Variants in SCART1 observed in about 807,000 individuals in gnomAD.
SCART1 encodes scavenger receptor cysteine-rich domain-containing protein SCART1.
A neutral mutation model predicts 36.2 loss-of-function variants in SCART1; 62 were observed. The ratio of observed to expected loss-of-function variants is 1.71; its 90% confidence interval spans 1.40 to 2.12. The LOEUF is 2.12. Among genes scored for constraint, SCART1 ranks in the 30% most tolerant of loss-of-function variants. The pLI is 0.00. For synonymous variants in SCART1, 487 were observed against 238.7 expected, an observed-to-expected ratio of 2.04 and a Z score of -9.59; for missense variants, 1,041 against 540.5, an observed-to-expected ratio of 1.93 and a Z score of -9.18.
In SCART1 at chr10:133,459,711, C is replaced by CTG. The variant is rs1564834360; in HGVS notation, c.1511_1512dup (p.Gly505TrpfsTer7). 1.4e-6 allele frequency: 1 copy of CTG among 700,258 alleles called. No homozygotes were observed. The highest frequency in any genetic ancestry group is 1.8e-5 in the African/African-American group (1 of 56,920). The allele number at this position is 700,258 out of a possible 1,614,324, so 43.4% of individuals were successfully genotyped here. A position where few individuals can be genotyped will look rare whatever the true frequency, so the allele number is the denominator to read the frequency against. ...GGTGGCGCTGAGCCGCGTGCGCTGT[C>CTG]TGGGCACCGAAACCCGCCTGACTCA... On this transcript the variant is annotated frameshift_variant, in exon 6 of 12. Transcript: ENST00000640237. LOFTEE classifies it high-confidence loss of function.
At position 133,463,600 on chromosome 10, in the gene SCART1, G is replaced by T. The variant is rs115979654; in HGVS notation, c.1970-1006G>T. Among the ~76,000 whole-genome samples the T allele has an allele frequency of 4.6e-3, 686 of 150,366 alleles. 7 individuals carry two copies. The highest frequency in any genetic ancestry group is 0.015 in the African/African-American group (630 of 40,822). On this transcript the variant is annotated intron_variant, in intron 6 of 11. Coordinates refer to ENST00000640237, the Ensembl canonical transcript of SCART1. ...TTTCATTTAACATAATGTCCTCCAG[G>T]TTCATCCATGTTGTCACGGATCACA... is the stretch of plus-strand genomic sequence containing the variant.
exon 3 of SCART1, chr10:133,457,398 G>C: frequency 1.4e-6 from 1 of 702,156 alleles, no homozygotes. Context: ...GGAGGCCATG[G>C]TGTTCTGCCG....
At chr10:133,460,064 C>A in exon 6 of SCART1, 1 of 510,470 alleles carries the variant, frequency 2.0e-6, no homozygotes, top group Non-Finnish European at 3.4e-6. Flanking sequence ...TCTGGCTGGA[C>A]GAGCTGGGCT....
intron 3 of SCART1, chr10:133,458,149 C>T: frequency 1.4e-6 from 1 of 697,376 alleles, no homozygotes; most frequent in Non-Finnish European, 2.6e-6. Flanking sequence ...GACCCTGACC[C>T]TGACCTTGGT....
At chr10:133,461,827 T>G (rs1027863660) in intron 6 of SCART1, among the ~76,000 whole-genome samples, 1 of 152,220 alleles carries the variant, frequency 6.6e-6, no homozygotes, top group Non-Finnish European at 1.5e-5. Context: ...GCGGCGGATG[T>G]TAGCCCTTCC....
At chr10:133,455,442 C>T (rs893502459) in intron 1 of SCART1, among the ~76,000 whole-genome samples, 25 of 151,874 alleles carry the variant, frequency 1.6e-4, no homozygotes, top group African/African-American at 5.6e-4. Context: ...AGGCAGGGTC[C>T]CCCCTCTGCT....
At chr10:133,458,164 C>T (rs959242872) in intron 3 of SCART1, 196 bp from the exon 4 acceptor site, 3 of 697,450 alleles carry the variant, frequency 4.3e-6, no homozygotes, top group Admixed American at 2.0e-5. Context: ...CTTGGTGATG[C>T]GGCCAAGGAC....
chr10:133,460,995 CAA>C (rs1850695374), intron 6 of SCART1, among the ~76,000 whole-genome samples: 1 of 152,138 alleles, frequency 6.6e-6, no homozygotes, highest in Non-Finnish European at 1.5e-5. Flanking sequence ...CTCAGCCTCC[CAA>C]AGTGTTGGGA....
At chr10:133,460,509 T>TA (rs1250946863) in intron 6 of SCART1, among the ~76,000 whole-genome samples, 31 of 132,070 alleles carry the variant, frequency 2.3e-4, no homozygotes, top group African/African-American at 8.0e-4. Context: ...TTAAAAAATA[T>TA]TTTATATTTA....
At chr10:133,468,798 T>C (rs567684723) in exon 12 of SCART1, 4 of 152,366 alleles carry the variant, frequency 2.6e-5, no homozygotes, top group East Asian at 3.9e-4. Context: ...TTTATCATGA[T>C]ATATTATTCT....
intron 11 of SCART1, among the ~76,000 whole-genome samples, chr10:133,467,592 G>A (rs1215972810): frequency 2.6e-5 from 4 of 152,176 alleles, no homozygotes; most frequent in Non-Finnish European, 4.4e-5. Context: ...GAAGAGGGCT[G>A]GTCGGGTGTG....
exon 10 of SCART1, chr10:133,466,272 C>G: frequency 1.4e-6 from 1 of 703,052 alleles, no homozygotes; most frequent in Non-Finnish European, 2.6e-6. Context: ...CAGCTCCCTT[C>G]CGGACATTCT....
chr10:133,467,565 C>T (rs1310196738), intron 11 of SCART1, among the ~76,000 whole-genome samples: 2 of 152,140 alleles, frequency 1.3e-5, no homozygotes, highest in African/African-American at 4.8e-5. Context: ...ATCGGAGAGG[C>T]CTGCCCTGTG....
exon 5 of SCART1, chr10:133,459,041 A>G (rs1850659574): frequency 2.9e-6 from 2 of 694,004 alleles, no homozygotes; most frequent in Non-Finnish European, 5.3e-6. Context: ...GGTCAACGGC[A>G]GCAGCAGCTG....
At chr10:133,467,102 C>G (rs1397825236) in intron 10 of SCART1, 96 bp from the exon 11 acceptor site, 2 of 566,398 alleles carry the variant, frequency 3.5e-6, no homozygotes, top group Non-Finnish European at 6.3e-6. Context: ...CTCTTTGCTG[C>G]CTGGCTGGGG....
rs899137072 is a variant in SCART1, at chr10:133,456,222, CCTGT to C, written c.68-6_68-3del. ...GTTGGTTCTGGCCCCTCTAACTGGA[CCTGT>C]CTGTCTGTAGGTGGACCAGGTGCTC... On this transcript the variant is annotated splice_polypyrimidine_tract_variant and intron_variant, in intron 1 of 11. Transcript: ENST00000640237. 35 of 698,590 alleles carry C rather than the reference CCTGT, an allele frequency of 5.0e-5. No individual in the cohort carries two copies. The highest frequency in any genetic ancestry group is 1.0e-4 in the Admixed American group (5 of 49,838). 43.3% of individuals were successfully genotyped at this position (698,590 alleles called of 1,614,324 possible). A position where few individuals can be genotyped will look rare whatever the true frequency, so the allele number is the denominator to read the frequency against.
At chr10:133,456,489 G>C (rs1850614122) in exon 2 of SCART1, 4 of 698,730 alleles carry the variant, frequency 5.7e-6, no homozygotes, top group African/African-American at 3.5e-5. Flanking sequence ...CTCTGGGAGT[G>C]CAGCCTTGGC....
Position 133,467,198 on chromosome 10 carries a change from GT to G in SCART1, c.2808del (p.Leu937TrpfsTer44). The G allele has an allele frequency of 1.4e-6, 1 of 697,198 alleles. No individual in the cohort carries two copies. The highest frequency in any genetic ancestry group is 2.6e-6 in the Non-Finnish European group (1 of 381,894). 43.2% of individuals were successfully genotyped at this position (697,198 alleles called of 1,614,324 possible). A position where few individuals can be genotyped will look rare whatever the true frequency, so the allele number is the denominator to read the frequency against. ...TGTGACCATGCTCACCTTGCCTCAG[GT>G]CTGGGAAGATCCGAGGTATCTCCTG... On this transcript the variant is annotated frameshift_variant and splice_region_variant, in exon 11 of 12. Coordinates refer to ENST00000640237, the Ensembl canonical transcript of SCART1. LOFTEE classifies it high-confidence loss of function.
chr10:133,465,295 G>T, exon 9 of SCART1: 3 of 683,850 alleles, frequency 4.4e-6, no homozygotes, highest in Non-Finnish European at 8.0e-6. Flanking sequence ...CCGCTGCTCC[G>T]GGCGCGTGGA....
Sources: gnomAD v4.1 joint callset for allele counts (sites outside exome capture counted in the v4.1 genomes callset) on GRCh38, gnomAD v4.1.1 for gene constraint, MANE v1.5 for transcripts, NCBI Gene and HGNC (gene_info 2026-07-23, HGNC 2026-07-21) for gene names.